The following KCNMA1 variants were observed in gnomAD, a reference collection of about 807,000 sequenced individuals.
The protein encoded by KCNMA1 is potassium calcium-activated channel subfamily M alpha 1.
In KCNMA1, 29 loss-of-function variants were observed where a neutral mutation model predicts 140.0. That is an observed-to-expected ratio of 0.21 (90% CI 0.15 to 0.28). KCNMA1 has a LOEUF of 0.28. Ranked by LOEUF, KCNMA1 falls within the 10% of genes least tolerant of loss-of-function variation. The pLI, the probability that KCNMA1 is intolerant of heterozygous loss-of-function variation, is 1.00. For missense variants in KCNMA1, 880 were observed against 1,602.2 expected, an observed-to-expected ratio of 0.55 and a Z score of 7.70; for synonymous variants, 612 against 611.9, an observed-to-expected ratio of 1.00 and a Z score of 0.00.
intron 3 of KCNMA1, among the ~76,000 whole-genome samples, chr10:77,208,049 C>T (rs1409566956): frequency 3.3e-5 from 5 of 152,214 alleles, no homozygotes; most frequent in East Asian, 1.9e-4. Context: ...TGCTTGATAT[C>T]GCCACATCTT....
intron 20 of KCNMA1, among the ~76,000 whole-genome samples, chr10:76,963,275 G>T (rs977670467): frequency 5.3e-5 from 8 of 152,310 alleles, no homozygotes; most frequent in African/African-American, 1.7e-4. Flanking sequence ...AGCCGCATCA[G>T]CATCACCTGG....
At chr10:77,453,490 T>G (rs1833163064) in intron 1 of KCNMA1, among the ~76,000 whole-genome samples, 1 of 152,218 alleles carries the variant, frequency 6.6e-6, no homozygotes, top group South Asian at 2.1e-4. Context: ...ACAATGATTT[T>G]CAGACACTGG....
At chr10:77,557,645 AT>A (rs148296325) in intron 1 of KCNMA1, among the ~76,000 whole-genome samples, 17,649 of 131,398 alleles carry the variant, frequency 0.13, 1,073 homozygotes, top group East Asian at 0.44. Flanking sequence ...CCAGGAAGTG[AT>A]TTTTTTTTTT....
intron 2 of KCNMA1, among the ~76,000 whole-genome samples, chr10:77,287,438 A>G (rs759005539): frequency 1.3e-5 from 2 of 152,184 alleles, no homozygotes; most frequent in Non-Finnish European, 2.9e-5. Context: ...TAGCAATTTT[A>G]TTACAGAAGA....
chr10:76,873,699 A>C (rs906376061), downstream of KCNMA1: 20 of 152,340 alleles, frequency 1.3e-4, no homozygotes, highest in African/African-American at 4.8e-4. Flanking sequence ...AAGCCGGCTC[A>C]CATCTCAGTC....
Position 77,392,246 on chromosome 10 carries a change from G to C in KCNMA1, c.540+11616C>G, listed in dbSNP as rs535641372. Among the ~76,000 whole-genome samples, 69 of 130,144 alleles carry C rather than the reference G, an allele frequency of 5.3e-4. 1 individual carries two copies. Among genetic ancestry groups the C allele is most frequent in the Non-Finnish European group, 1.1e-3 (65 of 61,364 alleles). 85.4% of individuals were successfully genotyped at this position (130,144 alleles called of 152,430 possible). ...GGGAGAGAGGGAAAGAAGGAAGGGA[G>C]AGAGGGAAGGGAAGGGAGGGAAAGG... On this transcript the variant is annotated intron_variant, in intron 2 of 27. Coordinates refer to ENST00000286628, the MANE Select transcript of KCNMA1 (RefSeq NM_001161352.2).
chr10:77,051,363 C>T (rs1366617215), intron 14 of KCNMA1, among the ~76,000 whole-genome samples: 1 of 152,160 alleles, frequency 6.6e-6, no homozygotes, highest in African/African-American at 2.4e-5. Flanking sequence ...ATAAATTCTG[C>T]TAGTTTTAGG....
intron 2 of KCNMA1, chr10:77,376,569 G>C (rs2095115611): frequency 1.0e-5 from 1 of 99,536 alleles, no homozygotes; most frequent in Admixed American, 9.9e-5. Flanking sequence ...TTTTTTTCTA[G>C]AAGATAAGTG....
At chr10:77,350,989 T>C (rs1039673248) in intron 2 of KCNMA1, among the ~76,000 whole-genome samples, 12 of 152,176 alleles carry the variant, frequency 7.9e-5, no homozygotes, top group African/African-American at 2.9e-4. Context: ...TTTTTATCTG[T>C]GCTATATGTT....
chr10:77,469,835 A>C (rs1252917552), intron 1 of KCNMA1, among the ~76,000 whole-genome samples: 1 of 152,202 alleles, frequency 6.6e-6, no homozygotes, highest in East Asian at 1.9e-4. Flanking sequence ...CTGGGGGAAA[A>C]GATAGCAATT....
intron 9 of KCNMA1, among the ~76,000 whole-genome samples, chr10:77,092,988 T>G (rs2096849728): frequency 6.6e-6 from 1 of 152,224 alleles, no homozygotes; most frequent in Non-Finnish European, 1.5e-5. Flanking sequence ...TCCTTGAAAA[T>G]GTACTGGGTA....
intron 1 of KCNMA1, among the ~76,000 whole-genome samples, chr10:77,405,556 A>G (rs1218982210): frequency 1.3e-5 from 2 of 152,018 alleles, no homozygotes; most frequent in Non-Finnish European, 2.9e-5. Context: ...TAGTATAAGT[A>G]TATTCCAAAT....
intron 1 of KCNMA1, among the ~76,000 whole-genome samples, chr10:77,489,794 T>A (rs568632208): frequency 6.6e-6 from 1 of 152,240 alleles, no homozygotes; most frequent in African/African-American, 2.4e-5. Context: ...ATGGGTGAGG[T>A]TGATAATTTA....
At position 77,108,354 on chromosome 10, in the gene KCNMA1, G is replaced by A. The variant is rs1010665495; in HGVS notation, c.1223+127C>T. 3.0e-5 allele frequency: 48 copies of A among 1,584,938 alleles called. No individual in the cohort carries two copies. The East Asian group carries it at 4.7e-4, about 16-fold the overall frequency. ...GACTCAGGATGAGAGCAGCAATTTC[G>A]GGCACGTAGCGGGCAAACATTGCCT... On this transcript the variant is annotated intron_variant, in intron 9 of 27. Coordinates refer to ENST00000286628, the MANE Select transcript of KCNMA1 (RefSeq NM_001161352.2). This position sits in a 1 kb window ranked among gnomAD's most constrained non-coding sequence, Gnocchi z 4.6.
At chr10:77,220,473 G>T (rs1440812439) in intron 3 of KCNMA1, among the ~76,000 whole-genome samples, 1 of 152,158 alleles carries the variant, frequency 6.6e-6, no homozygotes, top group Non-Finnish European at 1.5e-5. Flanking sequence ...GAGCTAGGCT[G>T]GGAAAAACAT....
intron 1 of KCNMA1, among the ~76,000 whole-genome samples, chr10:77,443,143 C>A (rs2097445355): frequency 6.6e-6 from 1 of 152,222 alleles, no homozygotes; most frequent in Non-Finnish European, 1.5e-5. Context: ...ACCATCATCC[C>A]ACGAGGGGCC....
At chr10:77,213,282 T>G (rs2154177214) in intron 3 of KCNMA1, among the ~76,000 whole-genome samples, 1 of 152,310 alleles carries the variant, frequency 6.6e-6, no homozygotes, top group Non-Finnish European at 1.5e-5. Flanking sequence ...TTTCAGCACC[T>G]ATACTTGGAC....
At chr10:77,572,552 C>CAA (rs200696383) in intron 1 of KCNMA1, among the ~76,000 whole-genome samples, 6 of 38,756 alleles carry the variant, frequency 1.5e-4, no homozygotes, top group East Asian at 4.1e-4. Context: ...TCTGTCGCTC[C>CAA]AAAAAAAAAA....
intron 1 of KCNMA1, among the ~76,000 whole-genome samples, chr10:77,467,994 T>A (rs1023686372): frequency 6.6e-6 from 1 of 152,124 alleles, no homozygotes; most frequent in Non-Finnish European, 1.5e-5. Context: ...TCCTTGTTTT[T>A]ATTTTTATTT....
Sources: gnomAD v4.1 joint callset for allele counts (sites outside exome capture counted in the v4.1 genomes callset) on GRCh38, gnomAD v4.1.1 for gene constraint, Gnocchi (gnomAD v3.1) non-coding constraint, MANE v1.5 for transcripts, NCBI Gene and HGNC (gene_info 2026-07-23, HGNC 2026-07-21) for gene names.